SDK2: variants seen among roughly 807,000 people sequenced by gnomAD.
SDK2 encodes protein sidekick-2.
SDK2 carries 105 observed loss-of-function variants against 253.9 expected under a neutral mutation model. The ratio of observed to expected loss-of-function variants is 0.41; its 90% CI spans 0.35 to 0.49. The LOEUF is 0.49. Among genes scored for constraint, SDK2 ranks in the 20% least tolerant of loss-of-function variants. The pLI is 0.06. For synonymous variants in SDK2, 1,249 were observed against 1,234.9 expected (o/e 1.01, Z -0.24); for missense variants, 2,608 against 3,003.0 (o/e 0.87, Z 3.07).
At chr17:73,604,851 G>C (rs1284661187) in intron 1 of SDK2, among the ~76,000 whole-genome samples, 1 of 152,194 alleles carries the variant, frequency 6.6e-6, no homozygotes, top group African/African-American at 2.4e-5. Context: ...GGTGGGCGAG[G>C]ATGCCATCAG....
rs760302351 is a variant in SDK2, at chr17:73,384,009, C to T, written c.4572G>A (p.Pro1524=). The part of the protein sequence containing the change: ...TTTSVLIRWQ[P]PAEDKINGIL... ...TGCCATTGATCTTGTCCTCTGCTGG[C>T]GGCTGCAGGAAGGGAGTAGGGCATG... Residue 1524 remains proline (P), a splice_region_variant and synonymous_variant, in exon 33 of 45, where the codon CCG becomes CCA. Coordinates refer to ENST00000392650, the MANE Select transcript of SDK2 (RefSeq NM_001144952.2). 315 of 1,613,254 alleles carry T rather than the reference C, an allele frequency of 2.0e-4. 1 individual carries two copies. The highest frequency in any genetic ancestry group is 4.2e-4 in the East Asian group (19 of 44,870).
chr17:73,594,028 C>A (rs1245502248), intron 1 of SDK2, among the ~76,000 whole-genome samples: 2 of 152,246 alleles, frequency 1.3e-5, no homozygotes, highest in African/African-American at 4.8e-5. Flanking sequence ...AATGGCCCCA[C>A]AACCCACAGC....
chr17:73,466,165 T>C (rs2063595842), intron 3 of SDK2, among the ~76,000 whole-genome samples: 1 of 152,138 alleles, frequency 6.6e-6, no homozygotes, highest in Non-Finnish European at 1.5e-5. Context: ...CTCAGCCTAG[T>C]CCAGCCCTGG....
intron 1 of SDK2, among the ~76,000 whole-genome samples, chr17:73,611,951 C>T (rs1055170357): frequency 4.6e-5 from 7 of 152,116 alleles, no homozygotes; most frequent in South Asian, 2.1e-4. Flanking sequence ...AGGACCCCAA[C>T]GTGTGCTGAT....
chr17:73,561,965 A>T (rs1046355757), intron 1 of SDK2, among the ~76,000 whole-genome samples: 1 of 152,092 alleles, frequency 6.6e-6, no homozygotes, highest in Non-Finnish European at 1.5e-5. Context: ...GTCTCTACTA[A>T]AAATACAAAA....
intron 27 of SDK2, among the ~76,000 whole-genome samples, chr17:73,391,758 G>A (rs1019079661): frequency 1.3e-5 from 2 of 152,244 alleles, no homozygotes; most frequent in South Asian, 4.1e-4. Context: ...GGCATCATTT[G>A]GCAGCGACCT....
intron 1 of SDK2, among the ~76,000 whole-genome samples, chr17:73,627,793 A>T (rs1222576098): frequency 6.6e-6 from 1 of 152,218 alleles, no homozygotes; most frequent in Non-Finnish European, 1.5e-5. Context: ...TCACACCTGT[A>T]ATCCCAGCAC....
intron 39 of SDK2, among the ~76,000 whole-genome samples, chr17:73,360,826 C>T (rs1360750299): frequency 1.3e-5 from 2 of 151,122 alleles, no homozygotes; most frequent in East Asian, 3.9e-4. Flanking sequence ...ATCCCAGCTA[C>T]TTGGGAGGCT....
At chr17:73,588,637 G>A (rs533504364) in intron 1 of SDK2, among the ~76,000 whole-genome samples, 4 of 143,504 alleles carry the variant, frequency 2.8e-5, no homozygotes, top group African/African-American at 8.1e-5. Flanking sequence ...GCATCTAGTG[G>A]GTAGAGGCCA....
intron 21 of SDK2, among the ~76,000 whole-genome samples, chr17:73,400,105 G>A (rs1181165134): frequency 2.0e-5 from 3 of 152,218 alleles, no homozygotes; most frequent in African/African-American, 7.2e-5. Context: ...CAGGTGGAGG[G>A]ATGCTGGCAG....
chr17:73,441,005 G>C, intron 5 of SDK2, 82 bp from the exon 6 acceptor site: 1 of 1,080,896 alleles, frequency 9.3e-7, no homozygotes, highest in Non-Finnish European at 1.3e-6. Context: ...GATGCCCTGG[G>C]AGGTCTTTGT....
chr17:73,494,730 C>G (rs1288005894), intron 2 of SDK2, among the ~76,000 whole-genome samples: 1 of 152,206 alleles, frequency 6.6e-6, no homozygotes, highest in Non-Finnish European at 1.5e-5. Flanking sequence ...CCATCTGCCA[C>G]CACCCTGCCT....
At chr17:73,537,860 A>C (rs2044804326) in intron 1 of SDK2, among the ~76,000 whole-genome samples, 1 of 152,176 alleles carries the variant, frequency 6.6e-6, no homozygotes, top group Non-Finnish European at 1.5e-5. Context: ...TGAAAATAAA[A>C]AATGACACCG....
intron 1 of SDK2, among the ~76,000 whole-genome samples, chr17:73,582,612 C>T (rs888642437): frequency 1.7e-4 from 26 of 152,196 alleles, no homozygotes; most frequent in African/African-American, 5.3e-4. Context: ...CTGCTCGCTG[C>T]CTGTTCACCC....
At chr17:73,439,976 A>G (rs905677983) in intron 6 of SDK2, among the ~76,000 whole-genome samples, 4 of 152,150 alleles carry the variant, frequency 2.6e-5, no homozygotes, top group Admixed American at 6.5e-5. Context: ...CACGGAAGGC[A>G]CTTAGCCACA....
Position 73,570,242 on chromosome 17 carries a change from G to A in SDK2, c.65-62645C>T, listed in dbSNP as rs556225452. Among the ~76,000 whole-genome samples, 2 of 151,498 alleles carry A rather than the reference G, an allele frequency of 1.3e-5. No homozygotes were observed. The highest frequency in any genetic ancestry group is 6.6e-5 in the Admixed American group (1 of 15,254). On this transcript the variant is annotated intron_variant, in intron 1 of 44. Transcript: ENST00000392650. This position sits in a 1 kb window ranked among gnomAD's most constrained non-coding sequence, Gnocchi z 4.2. ...CACCCCTGCCTCCTAAGCACAGCCC[G>A]GCCTCAACATGCATCTCCTACCACC...
intron 1 of SDK2, among the ~76,000 whole-genome samples, chr17:73,614,253 G>A (rs1469996011): frequency 1.3e-5 from 2 of 152,174 alleles, no homozygotes; most frequent in Non-Finnish European, 2.9e-5. Flanking sequence ...TGGCAGGCCT[G>A]GTTCTTGCCT....
chr17:73,409,751 GA>G (rs981797845), intron 18 of SDK2, among the ~76,000 whole-genome samples: 3 of 152,026 alleles, frequency 2.0e-5, no homozygotes, highest in African/African-American at 7.2e-5. Flanking sequence ...AGAAGCAGAG[GA>G]AAAAAATCTC....
At position 73,455,877 on chromosome 17, in the gene SDK2, T is replaced by TCCCCC; in HGVS notation, c.479+28_479+29insGGGGG. 1 of 851,344 alleles carries TCCCCC rather than the reference T, an allele frequency of 1.2e-6. No homozygotes were observed. Among genetic ancestry groups the TCCCCC allele is most frequent in the African/African-American group, 1.8e-5 (1 of 55,980 alleles). The allele number at this position is 851,344 out of a possible 1,614,324, so 52.7% of individuals were successfully genotyped here. A position where few individuals can be genotyped will look rare whatever the true frequency, so the allele number is the denominator to read the frequency against. On this transcript the variant is annotated intron_variant, in intron 4 of 44. Transcript: ENST00000392650. The surrounding 1 kb of genome is among the most constrained non-coding windows in gnomAD (Gnocchi z 5.0). ...CCTCCTCCCCCAGACACCCCTCCCC[T>TCCCCC]CCCCGTCCCCTCAGAGCGATGCACT...
Sources: allele counts gnomAD v4.1 joint callset (sites outside exome capture counted in the v4.1 genomes callset), GRCh38; gene constraint gnomAD v4.1.1; non-coding constraint Gnocchi (gnomAD v3.1); transcripts MANE v1.5; gene names NCBI Gene and HGNC (gene_info 2026-07-23, HGNC 2026-07-21).